The following DEUP1 variants were observed in gnomAD, a reference collection of about 807,000 sequenced individuals.
The protein encoded by DEUP1 is deuterosome assembly protein 1, also known as coiled-coil domain containing 67.
DEUP1 carries 82 observed loss-of-function variants against 87.4 expected under a neutral mutation model. The observed-to-expected ratio is 0.94, with a 90% confidence interval of 0.78 to 1.13. The LOEUF (loss-of-function observed/expected upper bound fraction) is 1.13. Ranked by LOEUF, DEUP1 falls within the 50% of genes most tolerant of loss-of-function variation. The pLI, the probability that DEUP1 is intolerant of heterozygous loss-of-function variation, is 0.00. For missense variants in DEUP1, 663 were observed against 681.5 expected (o/e 0.97, Z 0.30); for synonymous variants, 214 against 222.7 (o/e 0.96, Z 0.35).
At chr11:93,434,841 C>T (rs1224239378) in intron 13 of DEUP1, among the ~76,000 whole-genome samples, 3 of 152,178 alleles carry the variant, frequency 2.0e-5, no homozygotes, top group South Asian at 2.1e-4. Context: ...AAACAGCCAT[C>T]GGTTTAAAGT....
intron 7 of DEUP1, among the ~76,000 whole-genome samples, chr11:93,373,064 A>G (rs1378477078): frequency 6.6e-6 from 1 of 152,220 alleles, no homozygotes; most frequent in Non-Finnish European, 1.5e-5. Context: ...ACCTATACTT[A>G]CATTTTGCAG....
intron 9 of DEUP1, among the ~76,000 whole-genome samples, chr11:93,391,340 C>T (rs980550261): frequency 2.0e-5 from 3 of 152,036 alleles, no homozygotes; most frequent in Non-Finnish European, 4.4e-5. Context: ...GTTGTGTTAA[C>T]ATCTAAATAT....
At chr11:93,388,973 A>T in intron 8 of DEUP1, 47 bp from the exon 9 acceptor site, 1 of 1,025,940 alleles carries the variant, frequency 9.7e-7, no homozygotes, top group Non-Finnish European at 1.5e-6. Flanking sequence ...GTTACAATTT[A>T]TCAAGTTAAG....
chr11:93,385,009 G>A (rs1353053279), intron 7 of DEUP1, among the ~76,000 whole-genome samples: 1 of 152,132 alleles, frequency 6.6e-6, no homozygotes, highest in Non-Finnish European at 1.5e-5. Flanking sequence ...GAATCACAAG[G>A]TTAGGAGTTT....
rs373145037 is a variant in DEUP1 at position 93,364,312 on chromosome 11, A to G, written c.432+18A>G. 11 of 1,598,570 alleles carry G rather than the reference A, an allele frequency of 6.9e-6. No homozygotes were observed. Among genetic ancestry groups the G allele is most frequent in the South Asian group, 1.1e-5 (1 of 90,360 alleles). On this transcript the variant is annotated intron_variant, in intron 5 of 13. Transcript: ENST00000298050. ...AATTAGAGGTGAGATATATTATCTT[A>G]GTTTCTTCATGTGTATTAAAGATTG... is the stretch of plus-strand genomic sequence containing the variant.
chr11:93,408,950 G>A (rs1947357806), intron 12 of DEUP1, among the ~76,000 whole-genome samples: 1 of 151,770 alleles, frequency 6.6e-6, no homozygotes, highest in South Asian at 2.1e-4. Context: ...TCTGCCTCCT[G>A]GGTTCAAGTA....
intron 7 of DEUP1, among the ~76,000 whole-genome samples, chr11:93,372,218 G>A (rs1039235795): frequency 5.3e-5 from 8 of 152,126 alleles, no homozygotes; most frequent in African/African-American, 1.7e-4. Flanking sequence ...GTGAGCCACC[G>A]CGCCCGGCCC....
At chr11:93,400,486 A>G (rs1020591390) in intron 11 of DEUP1, among the ~76,000 whole-genome samples, 3 of 151,700 alleles carry the variant, frequency 2.0e-5, no homozygotes, top group Non-Finnish European at 4.4e-5. Flanking sequence ...TCTGTGCCCA[A>G]ATTTTCCCAT....
intron 2 of DEUP1, among the ~76,000 whole-genome samples, chr11:93,341,940 A>C (rs1944101408): frequency 6.6e-6 from 1 of 152,048 alleles, no homozygotes; most frequent in South Asian, 2.1e-4. Flanking sequence ...GACTGCCTGC[A>C]TTCCTTGACT....
chr11:93,407,905 AATAG>A (rs1947326761), intron 11 of DEUP1, among the ~76,000 whole-genome samples: 2 of 151,892 alleles, frequency 1.3e-5, no homozygotes, highest in African/African-American at 4.8e-5. Context: ...CACCAACCTA[AATAG>A]ATACAGAGAG....
intron 13 of DEUP1, among the ~76,000 whole-genome samples, chr11:93,419,047 G>T (rs183026213): frequency 6.6e-6 from 1 of 150,854 alleles, no homozygotes; most frequent in Non-Finnish European, 1.5e-5. Flanking sequence ...TGGCGGGAGG[G>T]GGGAGGGATA....
intron 13 of DEUP1, among the ~76,000 whole-genome samples, chr11:93,415,964 T>C (rs1487812801): frequency 2.6e-5 from 4 of 152,156 alleles, no homozygotes; most frequent in African/African-American, 9.7e-5. Context: ...AATTCTTTTA[T>C]GAGTCTTTTG....
intron 10 of DEUP1, among the ~76,000 whole-genome samples, chr11:93,395,012 T>C (rs1946895416): frequency 6.6e-6 from 1 of 152,158 alleles, no homozygotes; most frequent in Admixed American, 6.5e-5. Context: ...AAAAAAAGTC[T>C]CTATTCCAGC....
intron 4 of DEUP1, 113 bp from the exon 5 acceptor site, chr11:93,364,047 C>T (rs965350953): frequency 2.1e-5 from 16 of 752,824 alleles, no homozygotes; most frequent in Admixed American, 1.5e-4. Flanking sequence ...AGCTTTACTG[C>T]ACTTTCTAAT....
intron 11 of DEUP1, among the ~76,000 whole-genome samples, chr11:93,404,235 G>A (rs1394951863): frequency 6.6e-6 from 1 of 152,042 alleles, no homozygotes. Flanking sequence ...GTGGAGAAAA[G>A]TGAAGGGTTT....
intron 11 of DEUP1, among the ~76,000 whole-genome samples, chr11:93,397,803 A>G (rs1946985944): frequency 6.6e-6 from 1 of 152,220 alleles, no homozygotes; most frequent in Non-Finnish European, 1.5e-5. Flanking sequence ...TGTATAATAT[A>G]TACATTATTC....
At chr11:93,387,725 G>A (rs1225359576) in intron 8 of DEUP1, among the ~76,000 whole-genome samples, 1 of 151,826 alleles carries the variant, frequency 6.6e-6, no homozygotes, top group African/African-American at 2.4e-5. Flanking sequence ...TAAAAAATAT[G>A]GAAATTTTTC....
chr11:93,370,178 C>A lies in DEUP1; in HGVS notation c.538C>A (p.Gln180Lys), dbSNP rs1373389682. Residue 180 changes from glutamine (Q) to lysine (K), a missense_variant, in exon 6 of 14, where the codon CAG becomes AAG. Coordinates refer to ENST00000298050, the MANE Select transcript of DEUP1 (RefSeq NM_181645.4). ...QQKLLSEKCN[Q>K]FQKQAQSYQT... ...AAAATTATTATCTGAGAAGTGTAAT[C>A]AGTTTCAGGTAAGTTATCTAATACT... 2.6e-6 allele frequency: 4 copies of A among 1,516,850 alleles called. No homozygotes were observed. The highest frequency in any genetic ancestry group is 3.6e-6 in the Non-Finnish European group (4 of 1,098,002). The allele number at this position is 1,516,850 out of a possible 1,614,324, so 94.0% of individuals were successfully genotyped here. A position where few individuals can be genotyped will look rare whatever the true frequency, so the allele number is the denominator to read the frequency against.
Position 93,396,258 on chromosome 11 carries a change from A to T in DEUP1, c.1259A>T (p.Lys420Ile). 6.3e-7 allele frequency: 1 copy of T among 1,577,920 alleles called. No homozygotes were observed. Residue 420 changes from lysine (K) to isoleucine (I), a missense_variant, in exon 11 of 14, where the codon AAA becomes ATA. Lys to Ile is a moderately radical substitution (Grantham distance 102). Coordinates refer to ENST00000298050, the MANE Select transcript of DEUP1 (RefSeq NM_181645.4). ...AKQKVSDMKYKAVRTENTHLK... is the reference protein window; with the variant it reads ...AKQKVSDMKYIAVRTENTHLK... ...TTTCAGGTCTCAGATATGAAATATA[A>T]AGCTGTCAGAACTGAAAACACACAT...
Sources: gnomAD v4.1 joint callset for allele counts (sites outside exome capture counted in the v4.1 genomes callset) on GRCh38, gnomAD v4.1.1 for gene constraint, MANE v1.5 for transcripts, NCBI Gene and HGNC (gene_info 2026-07-23, HGNC 2026-07-21) for gene names.